Variants in MCCC1 observed in about 807,000 individuals in gnomAD.
MCCC1 encodes the protein methylcrotonoyl-CoA carboxylase subunit alpha, mitochondrial.
A neutral mutation model predicts 83.8 loss-of-function variants in MCCC1; 64 were observed. The ratio of observed to expected loss-of-function variants is 0.76; its 90% CI spans 0.62 to 0.94. The LOEUF is 0.94. Ranked by LOEUF, MCCC1 falls within the 40% of genes least tolerant of loss-of-function variation. MCCC1 has a pLI of 0.00. For missense variants in MCCC1, 807 were observed against 904.7 expected (o/e 0.89, Z 1.39); for synonymous variants, 322 against 315.4 (o/e 1.02, Z -0.22).
rs551659206 is a variant in MCCC1 at position 183,055,896 on chromosome 3, T to C, written c.873+1415A>G. ...CTGGATGACAAAGCGAGACCCTGTC[T>C]CAAAAAAACAAAACAAAACTATACG... On this transcript the variant is annotated intron_variant, in intron 8 of 18. Coordinates refer to ENST00000265594, the MANE Select transcript of MCCC1 (RefSeq NM_020166.5). Among the ~76,000 whole-genome samples the C allele has an allele frequency of 3.1e-4, 47 of 152,242 alleles. 1 individual carries two copies. The highest frequency in any genetic ancestry group is 1.1e-3 in the African/African-American group (44 of 41,550).
In MCCC1 at chr3:183,022,434, T is replaced by C. The variant is rs755716810; in HGVS notation, c.1852A>G (p.Ile618Val). ...GACATTACCTTGGAAAATAGGTAAATAGTGTTTTCCAGGATAATCAGCTTC... is the reference window on the plus strand; with the variant it reads ...GACATTACCTTGGAAAATAGGTAAACAGTGTTTTCCAGGATAATCAGCTTC... The part of the protein sequence containing the change: ...KAKLIILENT[I>V]YLFSKEGSIE... Residue 618 changes from isoleucine to valine, a missense_variant, in exon 16 of 19, where the codon ATT becomes GTT. Coordinates refer to ENST00000265594, the MANE Select transcript of MCCC1 (RefSeq NM_020166.5). 3.1e-6 allele frequency: 5 copies of C among 1,614,066 alleles called. No individual in the cohort carries two copies. The highest frequency in any genetic ancestry group is 1.1e-5 in the South Asian group (1 of 91,086).
chr3:183,040,677 C>T (rs977211461), intron 11 of MCCC1, among the ~76,000 whole-genome samples: 3 of 151,938 alleles, frequency 2.0e-5, no homozygotes, highest in Non-Finnish European at 4.4e-5. Context: ...GAGCTGAGAT[C>T]ACACCACTGT....
Position 183,034,218 on chromosome 3 carries a change from A to C in MCCC1, c.1595-141T>G, listed in dbSNP as rs928274239. The stretch of plus-strand genomic sequence containing the variant: ...GTAATCCCAGCACTTTGGGAGGCCA[A>C]GGCGGGCGGATCATGAGGTCAGGAG... On this transcript the variant is annotated intron_variant, in intron 13 of 18. Coordinates refer to ENST00000265594, the MANE Select transcript of MCCC1 (RefSeq NM_020166.5). The C allele has an allele frequency of 8.0e-6, 5 of 626,072 alleles. No homozygotes were observed. In the African/African-American group the frequency reaches 9.1e-5, roughly 11 times the overall value. The allele number at this position is 626,072 out of a possible 1,614,324, so 38.8% of individuals were successfully genotyped here. A position where few individuals can be genotyped will look rare whatever the true frequency, so the allele number is the denominator to read the frequency against.
At chr3:183,111,458 C>T (rs1437989514) in intron 1 of MCCC1, among the ~76,000 whole-genome samples, 1 of 152,166 alleles carries the variant, frequency 6.6e-6, no homozygotes, top group East Asian at 1.9e-4. Context: ...TACCACCACG[C>T]CTGGCTAATT....
At chr3:183,085,689 T>C (rs1226265560) in intron 4 of MCCC1, among the ~76,000 whole-genome samples, 1 of 151,096 alleles carries the variant, frequency 6.6e-6, no homozygotes, top group Non-Finnish European at 1.5e-5. Context: ...TACCTCTCTC[T>C]GCTCCATCGT....
At chr3:183,060,784 C>A (rs561980805) in intron 7 of MCCC1, among the ~76,000 whole-genome samples, 11 of 151,956 alleles carry the variant, frequency 7.2e-5, no homozygotes, top group Admixed American at 2.6e-4. Flanking sequence ...TCCAAGTGTT[C>A]TCATTGTTCA....
chr3:183,096,104 G>A (rs1718714215), intron 1 of MCCC1, among the ~76,000 whole-genome samples: 1 of 152,212 alleles, frequency 6.6e-6, no homozygotes, highest in Admixed American at 6.5e-5. Flanking sequence ...GAGAGGCTGA[G>A]GTGGGGGGAT....
At chr3:183,033,240 T>G (rs765329575) in intron 14 of MCCC1, among the ~76,000 whole-genome samples, 2 of 152,150 alleles carry the variant, frequency 1.3e-5, no homozygotes, top group African/African-American at 4.8e-5. Flanking sequence ...TTAAAGAAAA[T>G]CAGTCACTAA....
Position 183,086,846 on chromosome 3 carries a change from T to C in MCCC1, c.274-58A>G, listed in dbSNP as rs1406880363. 26 of 1,422,788 alleles carry C rather than the reference T, an allele frequency of 1.8e-5. No individual in the cohort carries two copies. The Admixed American group carries it at 4.5e-4, about 25-fold the overall frequency. 88.1% of individuals were successfully genotyped at this position (1,422,788 alleles called of 1,614,324 possible). On this transcript the variant is annotated intron_variant, in intron 3 of 18. Coordinates refer to ENST00000265594, the MANE Select transcript of MCCC1 (RefSeq NM_020166.5). ...TTGTGGCTAGTACATACTCATACAC[T>C]ATACAGAACTGCTTCAGGGTCATTT...
intron 1 of MCCC1, among the ~76,000 whole-genome samples, chr3:183,115,208 T>C (rs1719570667): frequency 6.6e-6 from 1 of 152,142 alleles, no homozygotes; most frequent in African/African-American, 2.4e-5. Context: ...AACACATCAA[T>C]TCAACACTCT....
chr3:183,109,538 A>G (rs1468826034), intron 1 of MCCC1, among the ~76,000 whole-genome samples: 1 of 152,238 alleles, frequency 6.6e-6, no homozygotes, highest in Non-Finnish European at 1.5e-5. Context: ...TAATTCGCTT[A>G]GGATAGTGGC....
intron 17 of MCCC1, 103 bp from the exon 18 acceptor site, chr3:183,017,440 A>C: frequency 9.9e-7 from 1 of 1,014,210 alleles, no homozygotes; most frequent in Non-Finnish European, 1.5e-6. Flanking sequence ...ATATACTCAT[A>C]ACATCATGTT....
At chr3:183,075,121 A>T (rs952266373) in intron 4 of MCCC1, among the ~76,000 whole-genome samples, 7 of 152,192 alleles carry the variant, frequency 4.6e-5, no homozygotes, top group African/African-American at 1.7e-4. Context: ...TCTGTCACTG[A>T]TGGGCATTTA....
chr3:183,063,174 G>A (rs1040021903), intron 7 of MCCC1, among the ~76,000 whole-genome samples: 11 of 51,732 alleles, frequency 2.1e-4, no homozygotes, highest in Non-Finnish European at 3.0e-4. Context: ...TAGTAGAGAC[G>A]GGGTTTCACT....
At chr3:183,058,337 G>A (rs570938559) in intron 7 of MCCC1, among the ~76,000 whole-genome samples, 13 of 152,200 alleles carry the variant, frequency 8.5e-5, no homozygotes, top group African/African-American at 2.6e-4. Flanking sequence ...AAAAAGGGCC[G>A]GGCACAGTGC....
In MCCC1 at chr3:183,038,701, G is replaced by A. The variant is rs558244192; in HGVS notation, c.1377+325C>T. On this transcript the variant is annotated intron_variant, in intron 12 of 18. Transcript: ENST00000265594. ...TTTTATTTCCTAAGTATTTTCTACTGTGGACAGCTCTTAGGAAAAATAAAA... is the reference window on the plus strand; with the variant it reads ...TTTTATTTCCTAAGTATTTTCTACTATGGACAGCTCTTAGGAAAAATAAAA... 4.7e-4 allele frequency among the ~76,000 whole-genome samples: 71 copies of A among 152,314 alleles called. 1 individual carries two copies. The highest frequency in any genetic ancestry group is 1.7e-3 in the African/African-American group (71 of 41,566).
At chr3:183,042,899 A>G (rs1406812211) in intron 10 of MCCC1, among the ~76,000 whole-genome samples, 1 of 152,204 alleles carries the variant, frequency 6.6e-6, no homozygotes, top group Non-Finnish European at 1.5e-5. Context: ...ATATACCCAA[A>G]GGATTACAAA....
At chr3:183,030,791 CATATCT>C (rs1713001088) in intron 14 of MCCC1, among the ~76,000 whole-genome samples, 1 of 152,138 alleles carries the variant, frequency 6.6e-6, no homozygotes, top group Non-Finnish European at 1.5e-5. Flanking sequence ...CATCACTTGG[CATATCT>C]ATTTTATCAA....
chr3:183,071,310 C>A lies in MCCC1; in HGVS notation c.539G>T (p.Gly180Val), dbSNP rs748201122. ...GTCTGATTGGTCCTCACCATGATAA[C>A]CCTCCACAACAGGTACTCCAGCAGC... is the stretch of plus-strand genomic sequence containing the variant. The part of the protein sequence containing the change: ...MAAAGVPVVE[G>V]YHGEDQSDQC... Residue 180 changes from glycine to valine, a missense_variant, in exon 6 of 19, where the codon GGT (glycine) becomes GTT (valine). By Grantham distance (109) the Gly-to-Val change is moderately radical. Coordinates refer to ENST00000265594, the MANE Select transcript of MCCC1 (RefSeq NM_020166.5). The A allele has an allele frequency of 1.9e-6, 3 of 1,614,080 alleles. No individual in the cohort carries two copies. Among genetic ancestry groups the A allele is most frequent in the Non-Finnish European group, 1.7e-6 (2 of 1,180,048 alleles).
Sources: allele counts gnomAD v4.1 joint callset (sites outside exome capture counted in the v4.1 genomes callset), GRCh38; gene constraint gnomAD v4.1.1; transcripts MANE v1.5; gene names NCBI Gene and HGNC (gene_info 2026-07-23, HGNC 2026-07-21).